TMPRSS4: variants seen among roughly 807,000 people sequenced by gnomAD.
TMPRSS4 encodes the protein transmembrane serine protease 4.
Under a neutral mutation model 56.4 loss-of-function variants are expected in TMPRSS4, and 45 were observed. That is an observed-to-expected ratio of 0.80 (90% CI 0.63 to 1.02). The LOEUF (loss-of-function observed/expected upper bound fraction) is 1.02. Among genes scored for constraint, TMPRSS4 ranks in the 50% least tolerant of loss-of-function variants. TMPRSS4 has a pLI of 0.00. For missense variants in TMPRSS4, 546 were observed against 556.7 expected, an observed-to-expected ratio of 0.98 and a Z score of 0.19; for synonymous variants, 205 against 211.0, an observed-to-expected ratio of 0.97 and a Z score of 0.25.
chr11:118,112,004 C>A, intron 8 of TMPRSS4, 104 bp downstream of exon 8: 1 of 1,470,044 alleles, frequency 6.8e-7, no homozygotes, highest in Non-Finnish European at 9.1e-7. Context: ...CACTCTCCCA[C>A]TAGAGACGTT....
chr11:118,096,834 A>AG (rs1946321226), intron 2 of TMPRSS4, among the ~76,000 whole-genome samples: 1 of 16,880 alleles, frequency 5.9e-5, no homozygotes, highest in African/African-American at 2.4e-4. Context: ...AGAGAAAGAA[A>AG]GAAGGAAAGA....
chr11:118,115,234 A>T lies in TMPRSS4; in HGVS notation c.1106A>T (p.Lys369Met). Residue 369 changes from lysine (K) to methionine (M), a missense_variant, in exon 11 of 13, where the codon AAG becomes ATG. Coordinates refer to ENST00000437212, the MANE Select transcript of TMPRSS4 (RefSeq NM_019894.4). ...GCGTACCAGGGGGAAGTCACCGAGA[A>T]GATGATGTGTGCAGGCATCCCGGAA... ...DDAYQGEVTE[K>M]MMCAGIPEGG... 2 of 1,613,014 alleles carry T rather than the reference A, an allele frequency of 1.2e-6. No homozygotes were observed. Among genetic ancestry groups the T allele is most frequent in the Non-Finnish European group, 1.7e-6 (2 of 1,179,914 alleles).
Position 118,104,680 on chromosome 11 carries a change from T to C in TMPRSS4, c.311-11T>C. On this transcript the variant is annotated splice_polypyrimidine_tract_variant and intron_variant, in intron 4 of 12. Transcript: ENST00000437212. ...CCCCGTTCCATCTAACTCAGGTTCC[T>C]TTCCTCCCAGTCCGCCTCTCCAAGG... is the stretch of plus-strand genomic sequence containing the variant. 6.2e-7 allele frequency: 1 copy of C among 1,614,118 alleles called. No individual in the cohort carries two copies. Among genetic ancestry groups the C allele is most frequent in the Non-Finnish European group, 8.5e-7 (1 of 1,179,986 alleles).
intron 1 of TMPRSS4, among the ~76,000 whole-genome samples, chr11:118,092,181 G>T (rs1946018255): frequency 6.6e-6 from 1 of 152,198 alleles, no homozygotes; most frequent in Non-Finnish European, 1.5e-5. Flanking sequence ...TGCAGAGGAT[G>T]GTGTAACCGC....
At position 118,119,382 on chromosome 11, in the gene TMPRSS4, T is replaced by C. The variant is rs1368869214; in HGVS notation, c.*1469T>C. On this transcript the variant is annotated 3_prime_UTR_variant, in exon 13 of 13. Coordinates refer to ENST00000437212, the MANE Select transcript of TMPRSS4 (RefSeq NM_019894.4). ...TGGTCTGGAGGAAAATTTCCCAAATTTAGAGCCTCAGGATTCCCAAAGATC... is the reference window on the plus strand; with the variant it reads ...TGGTCTGGAGGAAAATTTCCCAAATCTAGAGCCTCAGGATTCCCAAAGATC... The C allele has an allele frequency of 1.0e-6, 1 of 983,938 alleles. No homozygotes were observed. Among genetic ancestry groups the C allele is most frequent in the East Asian group, 1.1e-4 (1 of 8,828 alleles). The allele number at this position is 983,938 out of a possible 1,614,324, so 61.0% of individuals were successfully genotyped here.
At chr11:118,079,056 C>CG (rs1591324784) in intron 1 of TMPRSS4, among the ~76,000 whole-genome samples, 2 of 151,758 alleles carry the variant, frequency 1.3e-5, no homozygotes, top group African/African-American at 2.4e-5. Context: ...GCTGGAGGAG[C>CG]GGGGGAGGGC....
chr11:118,099,360 G>T (rs1386482724), intron 3 of TMPRSS4, among the ~76,000 whole-genome samples: 1 of 151,506 alleles, frequency 6.6e-6, no homozygotes, highest in East Asian at 1.9e-4. Context: ...TCAGGGGCAG[G>T]TGATCTGCAT....
intron 1 of TMPRSS4, among the ~76,000 whole-genome samples, chr11:118,080,932 C>G (rs1945078098): frequency 6.6e-6 from 1 of 152,208 alleles, no homozygotes; most frequent in Non-Finnish European, 1.5e-5. Context: ...TTCCCTGGGA[C>G]AGTGAACTCC....
chr11:118,097,106 G>C (rs1415902356), intron 2 of TMPRSS4, among the ~76,000 whole-genome samples: 1 of 149,508 alleles, frequency 6.7e-6, no homozygotes, highest in Non-Finnish European at 1.5e-5. Context: ...GCAGAGCCAA[G>C]AACAATTCAT....
intron 7 of TMPRSS4, 26 bp downstream of exon 7, chr11:118,108,922 T>C (rs776852484): frequency 6.2e-7 from 1 of 1,612,940 alleles, no homozygotes; most frequent in South Asian, 1.1e-5. Flanking sequence ...CTCTGAGGGT[T>C]TGGGGCCTGG....
downstream of TMPRSS4, among the ~76,000 whole-genome samples, chr11:118,124,986 T>C (rs1189751730): frequency 1.3e-5 from 2 of 152,148 alleles, no homozygotes; most frequent in African/African-American, 2.4e-5. Flanking sequence ...ATTCCCACAG[T>C]TGTAAAGCTC....
chr11:118,085,864 A>G (rs4938477), intron 1 of TMPRSS4, among the ~76,000 whole-genome samples: 55,775 of 152,048 alleles, frequency 0.37, 10,514 homozygotes, highest in South Asian at 0.52. Context: ...AGGTGGGCTC[A>G]GATGGACCCA....
chr11:118,090,357 A>T (rs897187245), intron 1 of TMPRSS4, among the ~76,000 whole-genome samples: 1 of 152,212 alleles, frequency 6.6e-6, no homozygotes, highest in African/African-American at 2.4e-5. Flanking sequence ...ACAGTTAACA[A>T]GATAGTCACA....
chr11:118,100,097 C>T (rs997620679), intron 3 of TMPRSS4, among the ~76,000 whole-genome samples: 4 of 152,162 alleles, frequency 2.6e-5, no homozygotes, highest in African/African-American at 9.7e-5. Flanking sequence ...GGCTCTGCCT[C>T]TTGCTGCTGC....
chr11:118,115,164 G>A lies in TMPRSS4; in HGVS notation c.1036G>A (p.Ala346Thr), dbSNP rs1565441132. 2.5e-6 allele frequency: 4 copies of A among 1,612,072 alleles called. No homozygotes were observed. Among genetic ancestry groups the A allele is most frequent in the Middle Eastern group, 1.6e-4 (1 of 6,062 alleles). ...GGKMSDILLQ[A>T]SVQVIDSTRC... ...GAAGATGTCTGACATACTGCTGCAGGCGTCAGTCCAGGTCATTGACAGCAC... is the reference window on the plus strand; with the variant it reads ...GAAGATGTCTGACATACTGCTGCAGACGTCAGTCCAGGTCATTGACAGCAC... Residue 346 changes from alanine to threonine, a missense_variant, in exon 11 of 13, where the codon GCG becomes ACG. Physicochemically the swap from Ala to Thr is moderately conservative, Grantham distance 58 (BLOSUM62 0). Transcript: ENST00000437212.
At chr11:118,104,405 C>G (rs779757635) in intron 4 of TMPRSS4, among the ~76,000 whole-genome samples, 11 of 151,952 alleles carry the variant, frequency 7.2e-5, no homozygotes, top group Non-Finnish European at 1.6e-4. Flanking sequence ...ATCATCAAAA[C>G]TGATACCTGT....
chr11:118,103,113 T>C lies in TMPRSS4; in HGVS notation c.170T>C (p.Leu57Pro), dbSNP rs765063261. The C allele has an allele frequency of 4.3e-6, 7 of 1,614,056 alleles. No individual in the cohort carries two copies. The highest frequency in any genetic ancestry group is 5.9e-6 in the Non-Finnish European group (7 of 1,180,034). The change falls in exon 4 of 13, where the codon CTG (leucine) becomes CCG (proline). Residue 57 changes from leucine (L) to proline (P), a missense_variant. Transcript: ENST00000437212. The stretch of plus-strand genomic sequence containing the variant: ...ACTTGCCTTCCAGTCAAGGTGATTC[T>C]GGATAAATACTACTTCCTCTGCGGG... Reference protein sequence around the residue: ...IIVVVLIKVILDKYYFLCGQP... With the variant: ...IIVVVLIKVIPDKYYFLCGQP...
At chr11:118,087,004 C>T (rs1945609621) in intron 1 of TMPRSS4, 1 of 152,314 alleles carries the variant, frequency 6.6e-6, no homozygotes, top group Admixed American at 6.5e-5. Flanking sequence ...CCACCCCCTC[C>T]CTTGGGTTTT....
chr11:118,111,771 T>C lies in TMPRSS4; in HGVS notation c.614T>C (p.Val205Ala). 1 of 1,597,882 alleles carries C rather than the reference T, an allele frequency of 6.3e-7. No individual in the cohort carries two copies. The highest frequency in any genetic ancestry group is 8.5e-7 in the Non-Finnish European group (1 of 1,173,168). The part of the protein sequence containing the change: ...ACGKSLKTPR[V>A]VGVEEASVDS... ...GGGAAGAGCCTGAAGACCCCCCGTG[T>C]GGTGGGTGTGGAGGAGGCCTCTGTG... Residue 205 changes from valine to alanine, a missense_variant, in exon 8 of 13, where the codon GTG (valine) becomes GCG (alanine). Val to Ala is a moderately conservative substitution (Grantham distance 64). Coordinates refer to ENST00000437212, the MANE Select transcript of TMPRSS4 (RefSeq NM_019894.4).
Sources: allele counts gnomAD v4.1 joint callset (sites outside exome capture counted in the v4.1 genomes callset), GRCh38; gene constraint gnomAD v4.1.1; transcripts MANE v1.5; gene names NCBI Gene and HGNC (gene_info 2026-07-23, HGNC 2026-07-21).